Variants in TMEM218 observed in about 807,000 individuals in gnomAD.
TMEM218 encodes the protein transmembrane protein 218.
Under a neutral mutation model 10.0 loss-of-function variants are expected in TMEM218, and 8 were observed. The observed-to-expected ratio is 0.80, with a 90% confidence interval of 0.47 to 1.44. The LOEUF is 1.44. Among genes scored for constraint, TMEM218 ranks in the 40% most tolerant of loss-of-function variants. TMEM218 has a pLI of 0.00. For missense variants in TMEM218, 110 were observed against 140.1 expected, an observed-to-expected ratio of 0.79 and a Z score of 1.08; for synonymous variants, 66 against 63.5, an observed-to-expected ratio of 1.04 and a Z score of -0.18.
chr11:125,099,855 C>T (rs1293129916), intron 4 of TMEM218, among the ~76,000 whole-genome samples: 2 of 140,282 alleles, frequency 1.4e-5, no homozygotes, highest in Admixed American at 7.9e-5. Flanking sequence ...GTCCGGGAGA[C>T]GGAGGTTGCA....
At chr11:125,107,563 A>T (rs546790780) in intron 1 of TMEM218, among the ~76,000 whole-genome samples, 1 of 152,106 alleles carries the variant, frequency 6.6e-6, no homozygotes, top group Non-Finnish European at 1.5e-5. Flanking sequence ...TTGTTAAAAG[A>T]TTATTTATGA....
intron 3 of TMEM218, 29 bp from the exon 4 acceptor site, chr11:125,101,332 G>A: frequency 6.3e-7 from 1 of 1,598,582 alleles, no homozygotes; most frequent in East Asian, 2.2e-5. Flanking sequence ...ATTATTAAAA[G>A]CACTGTCTAT....
At chr11:125,101,681 A>G in intron 3 of TMEM218, 1 of 573,700 alleles carries the variant, frequency 1.7e-6, no homozygotes, top group Non-Finnish European at 3.0e-6. Flanking sequence ...CTGTCTTGCC[A>G]GAGTGCAACT....
intron 1 of TMEM218, 43 bp from the exon 2 acceptor site, chr11:125,102,852 T>C (rs1951135169): frequency 1.9e-6 from 1 of 531,482 alleles, no homozygotes; most frequent in Non-Finnish European, 3.0e-6. Flanking sequence ...GAACATTCAC[T>C]GTGTGCTAAG....
rs1278733618 is a variant in TMEM218, at chr11:125,094,406, T to C, written c.*3200A>G. On this transcript the variant is annotated 3_prime_UTR_variant, in exon 5 of 5. Transcript: ENST00000682305. ...TACTAAAATGATCATTAGAATCCTTTAATGAAACTTTTACCTTTTTGGATA... is the reference window on the plus strand; with the variant it reads ...TACTAAAATGATCATTAGAATCCTTCAATGAAACTTTTACCTTTTTGGATA... Among the ~76,000 whole-genome samples, 4 of 152,274 alleles carry C rather than the reference T, an allele frequency of 2.6e-5. No individual in the cohort carries two copies. The East Asian group carries it at 7.7e-4, about 29-fold the overall frequency.
intron 4 of TMEM218, among the ~76,000 whole-genome samples, chr11:125,099,414 C>T (rs962661685): frequency 3.3e-5 from 5 of 152,186 alleles, no homozygotes; most frequent in Admixed American, 6.5e-5. Context: ...TGCAGAGGCC[C>T]GCTCTCAAAA....
Position 125,101,991 on chromosome 11 carries a change from T to C in TMEM218, c.110+141A>G, listed in dbSNP as rs1565424752. 5.1e-6 allele frequency: 5 copies of C among 986,404 alleles called. No homozygotes were observed. The South Asian group carries it at 6.1e-5, about 12-fold the overall frequency. 61.1% of individuals were successfully genotyped at this position (986,404 alleles called of 1,614,324 possible). A position where few individuals can be genotyped will look rare whatever the true frequency, so the allele number is the denominator to read the frequency against. On this transcript the variant is annotated intron_variant, in intron 3 of 4. Coordinates refer to ENST00000682305, the MANE Select transcript of TMEM218 (RefSeq NM_001258244.2). ...GCATAAATAACACAGTTAGTGTTTA[T>C]AAAAAGAGGTTAAAATGCAACTCAT...
intron 4 of TMEM218, 60 bp downstream of exon 4, chr11:125,101,141 T>C: frequency 7.1e-7 from 1 of 1,417,830 alleles, no homozygotes; most frequent in East Asian, 2.3e-5. Flanking sequence ...AGGACGGATG[T>C]GCAGACCAAG....
In TMEM218 at chr11:125,096,863, TTAAA is replaced by T. The variant is rs1398975150; in HGVS notation, c.*739_*742del. 1 of 152,076 alleles carries T rather than the reference TTAAA, an allele frequency of 6.6e-6. No individual in the cohort carries two copies. The highest frequency in any genetic ancestry group is 6.6e-5 in the Admixed American group (1 of 15,264). 9.4% of individuals were successfully genotyped at this position (152,076 alleles called of 1,614,324 possible). A position where few individuals can be genotyped will look rare whatever the true frequency, so the allele number is the denominator to read the frequency against. The stretch of plus-strand genomic sequence containing the variant: ...ACACCCCAAAATGGACTCATGGTAA[TTAAA>T]TAAGGCACACACAGCCCACCACATC... On this transcript the variant is annotated 3_prime_UTR_variant, in exon 5 of 5. Transcript: ENST00000682305.
intron 2 of TMEM218, 148 bp from the exon 3 acceptor site, chr11:125,102,465 A>T: frequency 6.8e-7 from 1 of 1,478,640 alleles, no homozygotes. Flanking sequence ...GAAACTGGAA[A>T]TTTAGAACCC....
intron 1 of TMEM218, among the ~76,000 whole-genome samples, chr11:125,106,057 A>G (rs6590133): frequency 0.2 from 29,865 of 152,100 alleles, 3,088 homozygotes; most frequent in East Asian, 0.24. Context: ...TAACAAGACA[A>G]AAACCAGGGA....
At chr11:125,107,604 T>A (rs1372041908) in intron 1 of TMEM218, among the ~76,000 whole-genome samples, 3 of 152,072 alleles carry the variant, frequency 2.0e-5, no homozygotes, top group Non-Finnish European at 4.4e-5. Flanking sequence ...CGTAGCACAT[T>A]ACAGATAACA....
rs117345804 is a variant in TMEM218, at chr11:125,102,751, G to A, written c.-94C>T. The A allele has an allele frequency of 0.013, 16,255 of 1,274,064 alleles. 133 individuals are homozygous for A. The highest frequency in any genetic ancestry group is 0.015 in the Non-Finnish European group (15,076 of 977,494). 78.9% of individuals were successfully genotyped at this position (1,274,064 alleles called of 1,614,324 possible). On this transcript the variant is annotated 5_prime_UTR_variant, in exon 2 of 5. Coordinates refer to ENST00000682305, the MANE Select transcript of TMEM218 (RefSeq NM_001258244.2). ...TGACTCACCAGGCAATGGATCACAA[G>A]ACAGAAAGTTCCCACTCTGTTGTCG...
intron 4 of TMEM218, among the ~76,000 whole-genome samples, chr11:125,099,308 G>A (rs539316183): frequency 7.9e-5 from 12 of 152,268 alleles, no homozygotes; most frequent in African/African-American, 2.2e-4. Flanking sequence ...ATGTTTGCTC[G>A]TTCGACACGT....
chr11:125,110,171 G>T (rs1194977399), intron 1 of TMEM218, among the ~76,000 whole-genome samples: 2 of 121,352 alleles, frequency 1.6e-5, no homozygotes, highest in East Asian at 4.4e-4. Flanking sequence ...TATTAGAATA[G>T]CTAAATTATT....
At chr11:125,111,433 T>A (rs1233844067) in intron 1 of TMEM218, 106 bp downstream of exon 1, 1 of 152,096 alleles carries the variant, frequency 6.6e-6, no homozygotes, top group Non-Finnish European at 1.5e-5. Context: ...GCGGTAAGGG[T>A]GGTCTGCGAG....
chr11:125,099,415 G>A (rs974063961), intron 4 of TMEM218, among the ~76,000 whole-genome samples: 14 of 152,132 alleles, frequency 9.2e-5, no homozygotes, highest in Non-Finnish European at 1.3e-4. Flanking sequence ...GCAGAGGCCC[G>A]CTCTCAAAAC....
chr11:125,100,442 G>A (rs1252100161), intron 4 of TMEM218, among the ~76,000 whole-genome samples: 1 of 152,202 alleles, frequency 6.6e-6, no homozygotes, highest in Middle Eastern at 3.2e-3. Context: ...ACAGGACCTG[G>A]CACACGGAAA....
intron 3 of TMEM218, chr11:125,101,573 T>C: frequency 7.5e-7 from 1 of 1,329,904 alleles, no homozygotes; most frequent in Non-Finnish European, 1.0e-6. Context: ...AAAGTCATAA[T>C]CAAGAAAAAC....
Sources: allele counts gnomAD v4.1 joint callset (sites outside exome capture counted in the v4.1 genomes callset), GRCh38; gene constraint gnomAD v4.1.1; transcripts MANE v1.5; gene names NCBI Gene and HGNC (gene_info 2026-07-23, HGNC 2026-07-21).